The following ARB2A variants were observed in gnomAD, a reference collection of about 807,000 sequenced individuals.
ARB2A encodes the protein ARB2 cotranscriptional regulator A.
chr5:94,075,080 A>G, the ARB2A span, among the ~76,000 whole-genome samples: 1 of 152,080 alleles, frequency 6.6e-6, no homozygotes, highest in Non-Finnish European at 1.5e-5. Flanking sequence ...CAAACTTACC[A>G]TTTAGTTTTA....
the ARB2A span, among the ~76,000 whole-genome samples, chr5:93,657,162 C>G: frequency 3.1e-4 from 47 of 152,080 alleles, no homozygotes; most frequent in Admixed American, 3.1e-3. Context: ...TCTCTCAGGC[C>G]ACAGATAATA....
At chr5:93,696,041 G>A in the ARB2A span, among the ~76,000 whole-genome samples, 2,309 of 152,198 alleles carry the variant, frequency 0.015, 37 homozygotes, top group South Asian at 0.051. Context: ...GTCGGGGGGT[G>A]GGGGACTAGG....
At chr5:93,846,157 C>T in the ARB2A span, among the ~76,000 whole-genome samples, 1 of 152,016 alleles carries the variant, frequency 6.6e-6, no homozygotes, top group Admixed American at 6.6e-5. Flanking sequence ...CTATCTTTTT[C>T]TGATAAGATA....
the ARB2A span, among the ~76,000 whole-genome samples, chr5:93,773,526 A>T: frequency 1.4e-4 from 22 of 152,346 alleles, no homozygotes; most frequent in East Asian, 3.5e-3. Flanking sequence ...GAAAGTGTGG[A>T]TCATTTCACC....
the ARB2A span, among the ~76,000 whole-genome samples, chr5:93,960,719 AAGATTAAACTAGTAC>A: frequency 6.6e-6 from 1 of 152,356 alleles, no homozygotes; most frequent in South Asian, 2.1e-4. Flanking sequence ...GCATATACTG[AAGATTAAACTAGTAC>A]ATAATTATAG....
the ARB2A span, among the ~76,000 whole-genome samples, chr5:93,717,440 C>CTTTTTT: frequency 1.9e-5 from 2 of 107,394 alleles, no homozygotes; most frequent in Non-Finnish European, 3.9e-5. Flanking sequence ...ACCACAGTTG[C>CTTTTTT]TTTTTTTTTT....
the ARB2A span, among the ~76,000 whole-genome samples, chr5:93,930,030 G>T: frequency 6.6e-6 from 1 of 151,422 alleles, no homozygotes; most frequent in Non-Finnish European, 1.5e-5. Flanking sequence ...ATTGATTTTG[G>T]ACTTTTTAAT....
the ARB2A span, among the ~76,000 whole-genome samples, chr5:93,696,719 T>C: frequency 1.3e-5 from 2 of 152,104 alleles, no homozygotes; most frequent in Non-Finnish European, 2.9e-5. Context: ...AATACCACAA[T>C]GCCTGCCACA....
At chr5:93,829,448 C>T in the ARB2A span, among the ~76,000 whole-genome samples, 1 of 152,274 alleles carries the variant, frequency 6.6e-6, no homozygotes, top group South Asian at 2.1e-4. Flanking sequence ...AAAGTCAACC[C>T]TATTTTTCCC....
At chr5:93,950,371 A>G in the ARB2A span, among the ~76,000 whole-genome samples, 1 of 152,170 alleles carries the variant, frequency 6.6e-6, no homozygotes, top group Non-Finnish European at 1.5e-5. Flanking sequence ...CATCCTCACC[A>G]GCATTTGTTA....
At chr5:93,974,644 T>C in the ARB2A span, among the ~76,000 whole-genome samples, 1 of 152,166 alleles carries the variant, frequency 6.6e-6, no homozygotes, top group Non-Finnish European at 1.5e-5. Flanking sequence ...CAACAAAATA[T>C]ATATTATTCT....
the ARB2A span, among the ~76,000 whole-genome samples, chr5:93,648,145 CAA>C: frequency 1.3e-3 from 109 of 83,436 alleles, no homozygotes; most frequent in African/African-American, 2.2e-3. Context: ...GAACCTGTCT[CAA>C]AAAAAAAAAA....
the ARB2A span, among the ~76,000 whole-genome samples, chr5:93,848,916 G>A: frequency 6.6e-6 from 1 of 152,156 alleles, no homozygotes; most frequent in Non-Finnish European, 1.5e-5. Flanking sequence ...TGTTAAAAAT[G>A]GCTTTTGGCA....
At chr5:93,780,939 G>C in the ARB2A span, among the ~76,000 whole-genome samples, 1 of 152,170 alleles carries the variant, frequency 6.6e-6, no homozygotes, top group Non-Finnish European at 1.5e-5. Flanking sequence ...CTTAACCTTT[G>C]TTCTGTGTGC....
chr5:93,849,769 T>C, the ARB2A span, among the ~76,000 whole-genome samples: 3 of 152,138 alleles, frequency 2.0e-5, no homozygotes, highest in Admixed American at 2.0e-4. Context: ...CTACATTATT[T>C]AGCTATTTTA....
the ARB2A span, among the ~76,000 whole-genome samples, chr5:93,742,030 T>C: frequency 1.1e-3 from 165 of 152,210 alleles, 3 homozygotes; most frequent in Admixed American, 7.4e-3. Context: ...CTACTATCTT[T>C]ATGGTCACAA....
At chr5:93,758,750 C>G in the ARB2A span, among the ~76,000 whole-genome samples, 1 of 152,026 alleles carries the variant, frequency 6.6e-6, no homozygotes, top group Non-Finnish European at 1.5e-5. Flanking sequence ...AAAGGCAGTG[C>G]TAGGAGGAAA....
chr5:94,025,940 G>A, the ARB2A span, among the ~76,000 whole-genome samples: 1 of 152,164 alleles, frequency 6.6e-6, no homozygotes, highest in East Asian at 1.9e-4. Flanking sequence ...TTGGCCATGT[G>A]AGTGAGCAAG....
the ARB2A span, among the ~76,000 whole-genome samples, chr5:94,083,378 G>C: frequency 2.6e-5 from 4 of 151,934 alleles, no homozygotes; most frequent in Non-Finnish European, 5.9e-5. Context: ...CAAAACATTA[G>C]AATATCTATA....
Sources: allele counts gnomAD v4.1 joint callset (sites outside exome capture counted in the v4.1 genomes callset), GRCh38; gene constraint gnomAD v4.1.1; transcripts MANE v1.5; gene names NCBI Gene and HGNC (gene_info 2026-07-23, HGNC 2026-07-21).